The following KCNQ1OT1 variants were observed in gnomAD, a reference collection of about 807,000 sequenced individuals.
KCNQ1OT1 encodes KCNQ1 opposite strand/antisense transcript 1.
rs557024584 is a variant in KCNQ1OT1 at position 2,670,292 on chromosome 11, G to A, written n.29703C>T. On this transcript the variant is annotated non_coding_transcript_exon_variant, in exon 1 of 1. Transcript: ENST00000597346. This position sits in a 1 kb window ranked among gnomAD's most constrained non-coding sequence, Gnocchi z 4.9. ...GTAGCTTGTCTCTAGGCAACCCATA[G>A]GTGCCCAATGGAGAGATAATCTCAA... 1.3e-5 allele frequency: 5 copies of A among 398,566 alleles called. No homozygotes were observed. In the South Asian group the frequency reaches 6.4e-4, roughly 51 times the overall value. 24.7% of individuals were successfully genotyped at this position (398,566 alleles called of 1,614,324 possible).
exon 1 of KCNQ1OT1, chr11:2,619,882 G>T (rs1849135889): frequency 1.0e-5 from 4 of 397,964 alleles, no homozygotes; most frequent in Non-Finnish European, 1.8e-5. Flanking sequence ...TGATTTAGAG[G>T]GTATATGTAC....
At chr11:2,628,948 C>T in exon 1 of KCNQ1OT1, 3 of 398,252 alleles carry the variant, frequency 7.5e-6, no homozygotes. Flanking sequence ...TATTTCTATG[C>T]TTTCTATTCT....
rs2133855949 is a variant in KCNQ1OT1 at position 2,661,975 on chromosome 11, A to G, written n.38020T>C. 1 of 1,614,196 alleles carries G rather than the reference A, an allele frequency of 6.2e-7. No individual in the cohort carries two copies. Among genetic ancestry groups the G allele is most frequent in the Non-Finnish European group, 8.5e-7 (1 of 1,180,044 alleles). On this transcript the variant is annotated non_coding_transcript_exon_variant, in exon 1 of 1. Coordinates refer to ENST00000597346, the Ensembl canonical transcript of KCNQ1OT1. The surrounding 1 kb of genome is among the most constrained non-coding windows in gnomAD (Gnocchi z 5.9). The stretch of plus-strand genomic sequence containing the variant: ...TTTCTCCTCAGTAAGGAAGAGCCCA[A>G]CACTGCTGGAAGTGAGCATGCCCCA...
At chr11:2,610,716 CTTTT>C (rs1167505141) in exon 1 of KCNQ1OT1, 5,829 of 223,954 alleles carry the variant, frequency 0.026, no homozygotes, top group Non-Finnish European at 0.029. Context: ...TCTTGGTTGG[CTTTT>C]TTTTTTTTTT....
exon 1 of KCNQ1OT1, chr11:2,672,146 T>C (rs1350007767): frequency 5.0e-6 from 2 of 398,612 alleles, no homozygotes. Context: ...CTTTGGGCCT[T>C]TCAAAGTTGG....
Position 2,623,515 on chromosome 11 carries a change from A to G in KCNQ1OT1, n.76480T>C. 1 of 398,630 alleles carries G rather than the reference A, an allele frequency of 2.5e-6. No individual in the cohort carries two copies. 24.7% of individuals were successfully genotyped at this position (398,630 alleles called of 1,614,324 possible). On this transcript the variant is annotated non_coding_transcript_exon_variant, in exon 1 of 1. Coordinates refer to ENST00000597346, the Ensembl canonical transcript of KCNQ1OT1. The surrounding 1 kb of genome is among the most constrained non-coding windows in gnomAD (Gnocchi z 5.2). Reference sequence around the variant, plus strand: ...TCTAAAATGCAATATGATTGGAATCATACAGTATGTAGTTTCTTCAGATTG... The same window carrying G: ...TCTAAAATGCAATATGATTGGAATCGTACAGTATGTAGTTTCTTCAGATTG...
At chr11:2,631,355 CAA>C in exon 1 of KCNQ1OT1, 3 of 398,462 alleles carry the variant, frequency 7.5e-6, no homozygotes, top group Non-Finnish European at 1.3e-5. Flanking sequence ...TCTATTTGAT[CAA>C]GTCTGCTGCT....
chr11:2,680,206 TAAA>T lies in KCNQ1OT1; in HGVS notation n.19786_19788del, dbSNP rs139249507. The T allele has an allele frequency of 0.058, 20,303 of 350,476 alleles. 9 individuals are homozygous for T. The highest frequency in any genetic ancestry group is 0.25 in the East Asian group (6,090 of 24,036). The allele number at this position is 350,476 out of a possible 1,614,324, so 21.7% of individuals were successfully genotyped here. On this transcript the variant is annotated non_coding_transcript_exon_variant, in exon 1 of 1. Coordinates refer to ENST00000597346, the Ensembl canonical transcript of KCNQ1OT1. ...TGCACCTGGCCTCAGCTTGCCTAAT[TAAA>T]AAAAAAAAAAAAAAAAAAGTTGTCT...
At chr11:2,666,013 C>T in exon 1 of KCNQ1OT1, 1 of 398,690 alleles carries the variant, frequency 2.5e-6, no homozygotes, top group East Asian at 3.6e-5. Flanking sequence ...ACACGTCTGC[C>T]CCATTGGTTG....
rs1388536569 is a variant in KCNQ1OT1 at position 2,624,390 on chromosome 11, T to C, written n.75605A>G. The C allele has an allele frequency of 2.5e-6, 1 of 398,452 alleles. No homozygotes were observed. Among genetic ancestry groups the C allele is most frequent in the African/African-American group, 2.1e-5 (1 of 48,648 alleles). The allele number at this position is 398,452 out of a possible 1,614,324, so 24.7% of individuals were successfully genotyped here. On this transcript the variant is annotated non_coding_transcript_exon_variant, in exon 1 of 1. Transcript: ENST00000597346. The surrounding 1 kb of genome is among the most constrained non-coding windows in gnomAD (Gnocchi z 4.9). Reference sequence around the variant, plus strand: ...CTGTCCTTTCATCCTCTTGACAGTATGTTTTACAGAGCAGAAACTTTTATT... The same window carrying C: ...CTGTCCTTTCATCCTCTTGACAGTACGTTTTACAGAGCAGAAACTTTTATT...
chr11:2,670,313 C>T lies in KCNQ1OT1; in HGVS notation n.29682G>A, dbSNP rs1187588853. The T allele has an allele frequency of 5.0e-6, 2 of 398,454 alleles. No individual in the cohort carries two copies. Among genetic ancestry groups the T allele is most frequent in the Non-Finnish European group, 8.8e-6 (2 of 226,074 alleles). 24.7% of individuals were successfully genotyped at this position (398,454 alleles called of 1,614,324 possible). ...CATAGGTGCCCAATGGAGAGATAAT[C>T]TCAAATATGGTAGCAGAGTTCAGAC... On this transcript the variant is annotated non_coding_transcript_exon_variant, in exon 1 of 1. Coordinates refer to ENST00000597346, the Ensembl canonical transcript of KCNQ1OT1. The surrounding 1 kb of genome is among the most constrained non-coding windows in gnomAD (Gnocchi z 4.9).
chr11:2,618,460 A>G (rs1309548607), exon 1 of KCNQ1OT1: 2 of 398,472 alleles, frequency 5.0e-6, no homozygotes, highest in Non-Finnish European at 8.8e-6. Context: ...GAGAGAGACT[A>G]TCTTTCTGCA....
chr11:2,692,996 A>G (rs1850613460), exon 1 of KCNQ1OT1: 2 of 398,534 alleles, frequency 5.0e-6, no homozygotes, highest in Non-Finnish European at 8.8e-6. Flanking sequence ...CAGAAGCCTC[A>G]TAAGCAAGCA....
Position 2,668,042 on chromosome 11 carries a change from C to G in KCNQ1OT1, n.31953G>C, listed in dbSNP as rs1207813843. 2 of 398,514 alleles carry G rather than the reference C, an allele frequency of 5.0e-6. No individual in the cohort carries two copies. Among genetic ancestry groups the G allele is most frequent in the Non-Finnish European group, 8.8e-6 (2 of 226,080 alleles). The allele number at this position is 398,514 out of a possible 1,614,324, so 24.7% of individuals were successfully genotyped here. A position where few individuals can be genotyped will look rare whatever the true frequency, so the allele number is the denominator to read the frequency against. On this transcript the variant is annotated non_coding_transcript_exon_variant, in exon 1 of 1. Coordinates refer to ENST00000597346, the Ensembl canonical transcript of KCNQ1OT1. This position sits in a 1 kb window ranked among gnomAD's most constrained non-coding sequence, Gnocchi z 4.3. Reference sequence around the variant, plus strand: ...GCTAGCAGCAAGGACCAGCTTTGCCCACATTTGAACTTTATGCGGTGGGAA... The same window carrying G: ...GCTAGCAGCAAGGACCAGCTTTGCCGACATTTGAACTTTATGCGGTGGGAA...
At position 2,661,052 on chromosome 11, in the gene KCNQ1OT1, T is replaced by G. The variant is rs1849947689; in HGVS notation, n.38943A>C. 2 of 397,974 alleles carry G rather than the reference T, an allele frequency of 5.0e-6. No individual in the cohort carries two copies. The highest frequency in any genetic ancestry group is 3.6e-5 in the East Asian group (1 of 28,076). 24.7% of individuals were successfully genotyped at this position (397,974 alleles called of 1,614,324 possible). ...AATGAAATGAGCTTATGTTACAGAG[T>G]GACAGGAACAGAGTCACAGTGACAT... On this transcript the variant is annotated non_coding_transcript_exon_variant, in exon 1 of 1. Transcript: ENST00000597346. This position sits in a 1 kb window ranked among gnomAD's most constrained non-coding sequence, Gnocchi z 5.9.
rs915245132 is a variant in KCNQ1OT1, at chr11:2,651,673, C to T, written n.48322G>A. 1.3e-5 allele frequency: 5 copies of T among 398,580 alleles called. No individual in the cohort carries two copies. Among genetic ancestry groups the T allele is most frequent in the Non-Finnish European group, 2.2e-5 (5 of 226,102 alleles). The allele number at this position is 398,580 out of a possible 1,614,324, so 24.7% of individuals were successfully genotyped here. The stretch of plus-strand genomic sequence containing the variant: ...TCCCACAGCTCACTGACATTAGCCA[C>T]GTGGCCCTCTGTTTCCTGTAATAGG... On this transcript the variant is annotated non_coding_transcript_exon_variant, in exon 1 of 1. Coordinates refer to ENST00000597346, the Ensembl canonical transcript of KCNQ1OT1. The surrounding 1 kb of genome is among the most constrained non-coding windows in gnomAD (Gnocchi z 6.1).
rs10741690 is a variant in KCNQ1OT1 at position 2,698,159 on chromosome 11, T to C, written n.1836A>G. ...GCAGAAAACAAAACAGAGTTCCTCG[T>C]TGGGAGCTTTTGGTCTAGCAAAAGG... On this transcript the variant is annotated non_coding_transcript_exon_variant, in exon 1 of 1. Transcript: ENST00000597346. The surrounding 1 kb of genome is among the most constrained non-coding windows in gnomAD (Gnocchi z 5.1). 0.55 allele frequency: 219,234 copies of C among 398,378 alleles called. 64,968 individuals carry two copies. The highest frequency in any genetic ancestry group is 0.99 in the East Asian group (27,889 of 28,070). 24.7% of individuals were successfully genotyped at this position (398,378 alleles called of 1,614,324 possible). A position where few individuals can be genotyped will look rare whatever the true frequency, so the allele number is the denominator to read the frequency against.
At chr11:2,697,648 T>C (rs1590038966) in exon 1 of KCNQ1OT1, 1 of 398,616 alleles carries the variant, frequency 2.5e-6, no homozygotes, top group East Asian at 3.6e-5. Flanking sequence ...TTTTCTCCTG[T>C]AGCCTCTTAA....
exon 1 of KCNQ1OT1, chr11:2,609,493 A>C (rs1297122005): frequency 2.5e-6 from 1 of 398,228 alleles, no homozygotes; most frequent in Admixed American, 4.4e-5. Flanking sequence ...CTGTATATTC[A>C]ATGTTGGTTG....
Sources: allele counts gnomAD v4.1 joint callset, GRCh38; gene constraint gnomAD v4.1.1; non-coding constraint Gnocchi (gnomAD v3.1); transcripts MANE v1.5; gene names NCBI Gene and HGNC (gene_info 2026-07-23, HGNC 2026-07-21).